SIPA1L1: variants seen among roughly 807,000 people sequenced by gnomAD.
The protein encoded by SIPA1L1 is signal induced proliferation associated 1 like 1, also known as signal-induced proliferation-associated 1-like protein 1.
In SIPA1L1, 26 loss-of-function variants were observed where a neutral mutation model predicts 162.7. The observed-to-expected ratio is 0.16, with a 90% CI of 0.12 to 0.22. The LOEUF is 0.22. Among genes scored for constraint, SIPA1L1 ranks in the 10% least tolerant of loss-of-function variants. SIPA1L1 has a pLI of 1.00. For synonymous variants in SIPA1L1, 829 were observed against 837.4 expected (o/e 0.99, Z 0.17); for missense variants, 1,874 against 2,241.0 (o/e 0.84, Z 3.31).
intron 4 of SIPA1L1, among the ~76,000 whole-genome samples, chr14:71,578,829 A>G (rs1223998037): frequency 6.6e-6 from 1 of 152,184 alleles, no homozygotes; most frequent in Non-Finnish European, 1.5e-5. Flanking sequence ...CACTTTTACC[A>G]TCACTAGTGG....
At chr14:71,603,689 G>A (rs1054910786) in intron 5 of SIPA1L1, among the ~76,000 whole-genome samples, 2 of 151,862 alleles carry the variant, frequency 1.3e-5, no homozygotes, top group Non-Finnish European at 2.9e-5. Context: ...TTGGGAGGCC[G>A]AGGCGGGTGG....
At chr14:71,709,761 A>G in intron 17 of SIPA1L1, 97 bp downstream of exon 17, 1 of 1,017,972 alleles carries the variant, frequency 9.8e-7, no homozygotes, top group Non-Finnish European at 1.4e-6. Flanking sequence ...GTATAAGGAA[A>G]GGAGGTTTTT....
At chr14:71,378,816 A>T (rs1403798090) in intron 2 of SIPA1L1, among the ~76,000 whole-genome samples, 1 of 152,008 alleles carries the variant, frequency 6.6e-6, no homozygotes, top group African/African-American at 2.4e-5. Flanking sequence ...TCATAATTGT[A>T]TGCCTTCATG....
In SIPA1L1 at chr14:71,661,405, C is replaced by G. The variant is rs2043496513; in HGVS notation, c.2193C>G (p.His731Gln). ...TCAGCCCAAAAAACATCCGATCCCA[C>G]TTCCAGCACGTTTTCGTCATCGTCA... ...QPFSPKNIRS[H>Q]FQHVFVIVRV... Residue 731 changes from histidine to glutamine, a missense_variant, in exon 10 of 24, where the codon CAC (histidine) becomes CAG (glutamine). His to Gln is a conservative substitution (Grantham distance 24). Around this residue, in one of 5 missense-constraint regions of SIPA1L1, gnomAD observed 243 missense variants for 315.0 expected, o/e 0.77. Transcript: ENST00000381232. 1 of 1,613,930 alleles carries G rather than the reference C, an allele frequency of 6.2e-7. No individual in the cohort carries two copies. The highest frequency in any genetic ancestry group is 1.7e-5 in the Admixed American group (1 of 59,988).
intron 2 of SIPA1L1, among the ~76,000 whole-genome samples, chr14:71,480,483 C>T (rs1016697148): frequency 9.9e-5 from 15 of 151,136 alleles, no homozygotes; most frequent in African/African-American, 2.2e-4. Flanking sequence ...AGAAGTCAGC[C>T]GTGCACAGTG....
At chr14:71,535,789 T>A (rs1016630303) in intron 4 of SIPA1L1, among the ~76,000 whole-genome samples, 5 of 152,088 alleles carry the variant, frequency 3.3e-5, no homozygotes, top group African/African-American at 1.2e-4. Flanking sequence ...TTTTTTTTTT[T>A]AGTAGACAAG....
chr14:71,501,145 C>T (rs998743327), intron 2 of SIPA1L1, among the ~76,000 whole-genome samples: 16 of 151,956 alleles, frequency 1.1e-4, no homozygotes, highest in South Asian at 2.1e-4. Context: ...CATAGTTAGA[C>T]GTCATCTCTA....
chr14:71,581,415 T>C (rs574736542), intron 4 of SIPA1L1, among the ~76,000 whole-genome samples: 16 of 152,314 alleles, frequency 1.1e-4, no homozygotes, highest in African/African-American at 3.8e-4. Flanking sequence ...CCTTATTTAA[T>C]TATAGAATGC....
Position 71,589,057 on chromosome 14 carries a change from A to T in SIPA1L1, c.1185A>T (p.Lys395Asn). The stretch of plus-strand genomic sequence containing the variant: ...GCAGCACAGAGGACCTGAATTCCAA[A>T]GGAAGCCTCAGCATGGACCAGGGAG... The part of the protein sequence containing the change: ...PMGSTEDLNS[K>N]GSLSMDQGDD... Residue 395 changes from lysine (K) to asparagine (N), a missense_variant, in exon 5 of 24, where the codon AAA (lysine) becomes AAT (asparagine). Transcript: ENST00000381232. 1 of 1,614,124 alleles carries T rather than the reference A, an allele frequency of 6.2e-7. No homozygotes were observed.
chr14:71,633,150 A>ATGTTC (rs1370094576), intron 7 of SIPA1L1, among the ~76,000 whole-genome samples: 10 of 145,122 alleles, frequency 6.9e-5, no homozygotes, highest in South Asian at 4.4e-4. Flanking sequence ...ATGTTATGTT[A>ATGTTC]TGTTATGTTC....
At chr14:71,654,420 G>A (rs369543628) in intron 8 of SIPA1L1, among the ~76,000 whole-genome samples, 1 of 152,122 alleles carries the variant, frequency 6.6e-6, no homozygotes, top group Non-Finnish European at 1.5e-5. Flanking sequence ...AGCTACGTAC[G>A]TGGATTATTT....
chr14:71,438,383 C>T (rs764177087), intron 2 of SIPA1L1, among the ~76,000 whole-genome samples: 7 of 152,198 alleles, frequency 4.6e-5, no homozygotes, highest in East Asian at 1.9e-4. Flanking sequence ...GGCCTTCCTG[C>T]TCTTGTTCCC....
intron 17 of SIPA1L1, among the ~76,000 whole-genome samples, chr14:71,722,078 T>C (rs891972355): frequency 6.6e-6 from 1 of 152,140 alleles, no homozygotes; most frequent in African/African-American, 2.4e-5. Context: ...CCACACCCTC[T>C]CCCTCTCTGA....
intron 4 of SIPA1L1, among the ~76,000 whole-genome samples, chr14:71,551,152 C>T (rs2055788386): frequency 6.6e-6 from 1 of 152,122 alleles, no homozygotes; most frequent in Non-Finnish European, 1.5e-5. Context: ...AAGAGGCCTT[C>T]CTTGACCAAA....
At chr14:71,535,680 C>T (rs1209423342) in intron 4 of SIPA1L1, among the ~76,000 whole-genome samples, 2 of 151,902 alleles carry the variant, frequency 1.3e-5, no homozygotes, top group African/African-American at 4.8e-5. Flanking sequence ...GGCACAGTCT[C>T]AGCTCACTGC....
In SIPA1L1 at chr14:71,587,818, AAC is replaced by A; in HGVS notation, c.-51_-50del. The stretch of plus-strand genomic sequence containing the variant: ...CTCCAAAAGGGAAGTGCACATTTAA[AAC>A]ACAGATATGATGGTCCTTGCTGCAG... On this transcript the variant is annotated 5_prime_UTR_variant, in exon 5 of 24. An upstream open reading frame in the 5' UTR gains an earlier in-frame stop. Coordinates refer to ENST00000381232, the MANE Select transcript of SIPA1L1 (RefSeq NM_001386936.1). 6.6e-7 allele frequency: 1 copy of A among 1,509,736 alleles called. No individual in the cohort carries two copies. Among genetic ancestry groups the A allele is most frequent in the Non-Finnish European group, 9.0e-7 (1 of 1,115,886 alleles). The allele number at this position is 1,509,736 out of a possible 1,614,324, so 93.5% of individuals were successfully genotyped here.
intron 2 of SIPA1L1, among the ~76,000 whole-genome samples, chr14:71,331,577 A>C (rs935764401): frequency 6.6e-6 from 1 of 152,200 alleles, no homozygotes; most frequent in South Asian, 2.1e-4. Context: ...CAAAAAGGCA[A>C]TGAATCTTGA....
At chr14:71,375,432 T>A (rs974236938) in intron 2 of SIPA1L1, among the ~76,000 whole-genome samples, 2 of 152,206 alleles carry the variant, frequency 1.3e-5, no homozygotes, top group African/African-American at 2.4e-5. Context: ...GATTTTTTTT[T>A]ACATCAGCTT....
chr14:71,537,304 G>C (rs1241639316), intron 4 of SIPA1L1, among the ~76,000 whole-genome samples: 2 of 152,136 alleles, frequency 1.3e-5, no homozygotes, highest in Non-Finnish European at 2.9e-5. Flanking sequence ...GGGTTCAAAT[G>C]GTTCTCCCAC....
Sources: gnomAD v4.1 joint callset for allele counts (sites outside exome capture counted in the v4.1 genomes callset) on GRCh38, gnomAD v4.1.1 for gene constraint, gnomAD v4.1.1 regional missense constraint, MANE v1.5 for transcripts, NCBI Gene and HGNC (gene_info 2026-07-23, HGNC 2026-07-21) for gene names.